The following TGFBR3 variants were observed in gnomAD, a reference collection of about 807,000 sequenced individuals.
The protein encoded by TGFBR3 is transforming growth factor beta receptor 3.
In TGFBR3, 46 loss-of-function variants were observed where a neutral mutation model predicts 87.9. The observed-to-expected ratio is 0.52, with a 90% confidence interval of 0.41 to 0.67. TGFBR3 has a LOEUF of 0.67. Ranked by LOEUF, TGFBR3 falls within the 30% of genes least tolerant of loss-of-function variation. The probability of loss-of-function intolerance (pLI) is 0.00; values close to 1 mark genes in which losing one functional copy is unlikely to be tolerated. For synonymous variants in TGFBR3, 381 were observed against 391.6 expected (o/e 0.97, Z 0.32); for missense variants, 866 against 1,041.9 (o/e 0.83, Z 2.32).
intron 4 of TGFBR3, among the ~76,000 whole-genome samples, chr1:91,756,267 C>T (rs750713617): frequency 2.6e-5 from 4 of 152,154 alleles, no homozygotes; most frequent in Admixed American, 6.5e-5. Flanking sequence ...TATAGCTCTA[C>T]AGTATGAGGG....
intron 7 of TGFBR3, among the ~76,000 whole-genome samples, chr1:91,725,229 C>G (rs1262394356): frequency 1.3e-5 from 2 of 152,070 alleles, no homozygotes; most frequent in African/African-American, 2.4e-5. Flanking sequence ...TGCCCATGCC[C>G]CACCCCCGAC....
intron 4 of TGFBR3, among the ~76,000 whole-genome samples, chr1:91,735,823 T>C (rs1672948297): frequency 6.6e-6 from 1 of 152,196 alleles, no homozygotes; most frequent in Non-Finnish European, 1.5e-5. Context: ...CTAGCATTTA[T>C]AAAATAACTG....
At chr1:91,888,288 C>A (rs1309523647), upstream of TGFBR3, among the ~76,000 whole-genome samples, 1 of 152,170 alleles carries the variant, frequency 6.6e-6, no homozygotes, top group Admixed American at 6.5e-5. Context: ...TGCCCAGTCT[C>A]GGGTATGTCT....
intron 3 of TGFBR3, among the ~76,000 whole-genome samples, chr1:91,763,692 G>A (rs779290139): frequency 6.6e-6 from 1 of 152,150 alleles, no homozygotes; most frequent in African/African-American, 2.4e-5. Context: ...CAAATGGAAA[G>A]GCACAAACCT....
chr1:91,734,299 T>C (rs1672880055), intron 5 of TGFBR3, among the ~76,000 whole-genome samples: 1 of 152,214 alleles, frequency 6.6e-6, no homozygotes, highest in African/African-American at 2.4e-5. Flanking sequence ...TAAATACTTT[T>C]CCTTTGCTAT....
chr1:91,749,235 A>C (rs1203756980), intron 4 of TGFBR3, among the ~76,000 whole-genome samples: 1 of 152,210 alleles, frequency 6.6e-6, no homozygotes, highest in African/African-American at 2.4e-5. Flanking sequence ...TCTGTGATAA[A>C]GATGGAAAGG....
intron 16 of TGFBR3, among the ~76,000 whole-genome samples, chr1:91,688,445 C>T (rs1271526028): frequency 2.0e-5 from 3 of 152,204 alleles, no homozygotes; most frequent in African/African-American, 7.2e-5. Context: ...AATGGCTAGA[C>T]TTGCTACCTT....
At chr1:91,829,636 T>A (rs1676779248) in intron 2 of TGFBR3, 1 of 152,200 alleles carries the variant, frequency 6.6e-6, no homozygotes, top group African/African-American at 2.4e-5. Context: ...CCAATTCCCA[T>A]GGAGAGTTAA....
At chr1:91,827,924 C>G (rs1676703736) in intron 2 of TGFBR3, among the ~76,000 whole-genome samples, 1 of 152,234 alleles carries the variant, frequency 6.6e-6, no homozygotes, top group Admixed American at 6.5e-5. Flanking sequence ...TTATGGCCAG[C>G]ACAGGCATAA....
intron 16 of TGFBR3, among the ~76,000 whole-genome samples, chr1:91,691,168 A>T (rs1322083281): frequency 2.0e-5 from 3 of 152,176 alleles, no homozygotes; most frequent in Non-Finnish European, 4.4e-5. Context: ...GGAAAATTAA[A>T]GGACAAGAGG....
At chr1:91,741,448 C>T (rs943315544) in intron 4 of TGFBR3, among the ~76,000 whole-genome samples, 4 of 152,172 alleles carry the variant, frequency 2.6e-5, no homozygotes, top group African/African-American at 9.7e-5. Flanking sequence ...CCCTACCCCA[C>T]AGATCAGGGA....
Position 91,885,935 on chromosome 1 carries a change from G to A in TGFBR3, c.-171C>T. ...CGCAGCAAGTTGGAGGAAAGCGGCG[G>A]CAAGTTTCCCCGCCCAGCGCTCGGC... On this transcript the variant is annotated 5_prime_UTR_variant, in exon 1 of 17. Transcript: ENST00000212355. 2.2e-6 allele frequency: 1 copy of A among 447,348 alleles called. No homozygotes were observed. The highest frequency in any genetic ancestry group is 4.5e-6 in the Non-Finnish European group (1 of 223,182). The allele number at this position is 447,348 out of a possible 1,614,324, so 27.7% of individuals were successfully genotyped here.
intron 4 of TGFBR3, among the ~76,000 whole-genome samples, chr1:91,735,530 C>G (rs1672938204): frequency 6.6e-6 from 1 of 152,212 alleles, no homozygotes; most frequent in African/African-American, 2.4e-5. Context: ...TCACATTGCT[C>G]TATTTCATAA....
At chr1:91,795,669 G>A (rs893492602) in intron 3 of TGFBR3, among the ~76,000 whole-genome samples, 4 of 152,032 alleles carry the variant, frequency 2.6e-5, no homozygotes, top group Non-Finnish European at 5.9e-5. Context: ...AGTAATTGTC[G>A]CTGCTAAAGA....
chr1:91,729,150 T>TACACACAC (rs57364204), intron 6 of TGFBR3, among the ~76,000 whole-genome samples: 4,080 of 66,882 alleles, frequency 0.061, 603 homozygotes, highest in Non-Finnish European at 0.085. Flanking sequence ...CACTCCAGCA[T>TACACACAC]ACACACACAC....
chr1:91,723,480 TAAAAAAAAAAAAAAAAA>T (rs58578681), intron 7 of TGFBR3, among the ~76,000 whole-genome samples: 3 of 109,124 alleles, frequency 2.7e-5, no homozygotes, highest in Admixed American at 9.5e-5. Context: ...GACCCTGCCT[TAAAAAAAAAAAAAAAAA>T]AAAAAAAAAA....
At chr1:91,853,096 C>A (rs1421055718) in intron 2 of TGFBR3, among the ~76,000 whole-genome samples, 4 of 151,464 alleles carry the variant, frequency 2.6e-5, no homozygotes, top group Admixed American at 2.6e-4. Context: ...GAGGTCGAGG[C>A]TGCAGTGAGC....
In TGFBR3 at chr1:91,735,910, T is replaced by C. The variant is rs551472792; in HGVS notation, c.385-951A>G. 5.3e-4 allele frequency among the ~76,000 whole-genome samples: 80 copies of C among 152,314 alleles called. 1 individual carries two copies. The South Asian group carries it at 0.016, about 31-fold the overall frequency. The stretch of plus-strand genomic sequence containing the variant: ...AATTCTCAGGTCATAGAACTATAAA[T>C]GTCTTGTATTAAATTTCACATGAAC... On this transcript the variant is annotated intron_variant, in intron 4 of 16. Coordinates refer to ENST00000212355, the MANE Select transcript of TGFBR3 (RefSeq NM_003243.5).
intron 8 of TGFBR3, 126 bp from the exon 9 acceptor site, chr1:91,720,356 G>T: frequency 2.2e-6 from 2 of 912,606 alleles, no homozygotes; most frequent in African/African-American, 1.6e-5. Context: ...AATAAGCAGT[G>T]CATAAAGGTC....
Sources: gnomAD v4.1 joint callset for allele counts (sites outside exome capture counted in the v4.1 genomes callset) on GRCh38, gnomAD v4.1.1 for gene constraint, MANE v1.5 for transcripts, NCBI Gene and HGNC (gene_info 2026-07-23, HGNC 2026-07-21) for gene names.